CSMD1: variants seen among roughly 807,000 people sequenced by gnomAD.
CSMD1 encodes CUB and Sushi multiple domains 1, also known as CUB and sushi domain-containing protein 1.
In CSMD1, 213 loss-of-function variants were observed where a neutral mutation model predicts 417.5. The ratio of observed to expected loss-of-function variants is 0.51; its 90% confidence interval spans 0.46 to 0.57. CSMD1 has a LOEUF of 0.57. Ranked by LOEUF, CSMD1 falls within the 20% of genes least tolerant of loss-of-function variation. The probability of loss-of-function intolerance (pLI) is 0.00; values close to 1 mark genes in which losing one functional copy is unlikely to be tolerated. For missense variants in CSMD1, 6,923 were observed against 4,529.7 expected (o/e 1.53, Z -15.17); for synonymous variants, 2,862 against 1,736.8 (o/e 1.65, Z -16.11).
chr8:4,341,845 G>A lies in CSMD1; in HGVS notation c.415+78108C>T, dbSNP rs2128895600. Among the ~76,000 whole-genome samples the A allele has an allele frequency of 1.3e-5, 2 of 152,194 alleles. 1 individual carries two copies. The highest frequency in any genetic ancestry group is 6.8e-3 in the Middle Eastern group (2 of 294). On this transcript the variant is annotated intron_variant, in intron 3 of 69. Coordinates refer to ENST00000635120, the MANE Select transcript of CSMD1 (RefSeq NM_033225.6). ...CACATCTGCATAATAACAGAAGGATGCTTCACCCAGCAGCCACAGCTGATG... is the reference window on the plus strand; with the variant it reads ...CACATCTGCATAATAACAGAAGGATACTTCACCCAGCAGCCACAGCTGATG...
At chr8:3,229,414 A>C (rs73185504) in intron 27 of CSMD1, among the ~76,000 whole-genome samples, 5 of 152,332 alleles carry the variant, frequency 3.3e-5, no homozygotes, top group Non-Finnish European at 5.9e-5. Flanking sequence ...ACTATTTTAC[A>C]TAAAATATAT....
rs189253562 is a variant in CSMD1, at chr8:4,879,409, T to C, written c.85+114923A>G. Among the ~76,000 whole-genome samples the C allele has an allele frequency of 3.2e-3, 482 of 152,172 alleles. 8 individuals carry two copies. Among genetic ancestry groups the C allele is most frequent in the African/African-American group, 0.011 (450 of 41,464 alleles). On this transcript the variant is annotated intron_variant, in intron 1 of 69. Coordinates refer to ENST00000635120, the MANE Select transcript of CSMD1 (RefSeq NM_033225.6). ...AACTGGCTGAACTTAGTGCAATGAATTGATATGAAGAAGAATTAGGAGGAA... is the reference window on the plus strand; with the variant it reads ...AACTGGCTGAACTTAGTGCAATGAACTGATATGAAGAAGAATTAGGAGGAA...
intron 1 of CSMD1, among the ~76,000 whole-genome samples, chr8:4,795,705 C>G (rs1328143837): frequency 6.6e-6 from 1 of 152,088 alleles, no homozygotes; most frequent in Non-Finnish European, 1.5e-5. Context: ...ATCCGCAGAT[C>G]CAGGCGGAGA....
Position 3,732,970 on chromosome 8 carries a change from T to A in CSMD1, c.931+20960A>T, listed in dbSNP as rs144093124. 2.2e-3 allele frequency among the ~76,000 whole-genome samples: 337 copies of A among 152,224 alleles called. 2 individuals carry two copies. Among genetic ancestry groups the A allele is most frequent in the Admixed American group, 3.1e-3 (47 of 15,278 alleles). On this transcript the variant is annotated intron_variant, in intron 6 of 69. Transcript: ENST00000635120. ...ATCTATCTACTTACCTACCTACCTATCTACCAACCTACCTACCTACCTACC... is the reference window on the plus strand; with the variant it reads ...ATCTATCTACTTACCTACCTACCTAACTACCAACCTACCTACCTACCTACC...
chr8:4,282,520 T>C (rs530180035), intron 3 of CSMD1, among the ~76,000 whole-genome samples: 3 of 152,234 alleles, frequency 2.0e-5, no homozygotes, highest in Non-Finnish European at 2.9e-5. Context: ...GCTTTGCGTT[T>C]GTAAAGCAAC....
intron 5 of CSMD1, among the ~76,000 whole-genome samples, chr8:3,962,643 T>C (rs1428156045): frequency 6.6e-6 from 1 of 152,134 alleles, no homozygotes; most frequent in African/African-American, 2.4e-5. Flanking sequence ...AGCATGGACA[T>C]TCAATTGCAG....
At chr8:3,280,638 A>T (rs1332702179) in intron 26 of CSMD1, among the ~76,000 whole-genome samples, 1 of 152,192 alleles carries the variant, frequency 6.6e-6, no homozygotes, top group Admixed American at 6.5e-5. Context: ...ACCATGTGAA[A>T]TTGTCAACAT....
intron 3 of CSMD1, among the ~76,000 whole-genome samples, chr8:4,054,987 C>A (rs910926748): frequency 2.6e-5 from 4 of 152,160 alleles, no homozygotes; most frequent in Admixed American, 6.5e-5. Flanking sequence ...TAACAGCATA[C>A]AAAGAATGTC....
intron 7 of CSMD1, among the ~76,000 whole-genome samples, chr8:3,636,778 C>A (rs536020784): frequency 1.3e-5 from 2 of 152,266 alleles, no homozygotes; most frequent in African/African-American, 4.8e-5. Flanking sequence ...TCTCCTGACA[C>A]TTCCACACTT....
intron 3 of CSMD1, among the ~76,000 whole-genome samples, chr8:4,161,435 A>G (rs1797156081): frequency 6.6e-6 from 1 of 152,222 alleles, no homozygotes; most frequent in African/African-American, 2.4e-5. Context: ...TTTAGAAGAG[A>G]AAATTGAAAC....
At chr8:4,165,852 T>C (rs745323084) in intron 3 of CSMD1, among the ~76,000 whole-genome samples, 7 of 152,244 alleles carry the variant, frequency 4.6e-5, no homozygotes, top group African/African-American at 1.4e-4. Flanking sequence ...TTTTTTGCCA[T>C]TGAAAGTAAA....
At position 3,643,063 on chromosome 8, in the gene CSMD1, C is replaced by T. The variant is rs551930237; in HGVS notation, c.1010-26266G>A. 1.4e-4 allele frequency among the ~76,000 whole-genome samples: 22 copies of T among 151,954 alleles called. No individual in the cohort carries two copies. In the South Asian group the frequency reaches 4.0e-3, roughly 27 times the overall value. On this transcript the variant is annotated intron_variant, in intron 7 of 69. Transcript: ENST00000635120. Reference sequence around the variant, plus strand: ...GAAAAAATCCTGTGCATGTGAGTGTCGACGGCACGGGAGAGGGAGAGAGAC... The same window carrying T: ...GAAAAAATCCTGTGCATGTGAGTGTTGACGGCACGGGAGAGGGAGAGAGAC...
At chr8:4,058,638 A>T (rs1422873492) in intron 3 of CSMD1, among the ~76,000 whole-genome samples, 1 of 149,990 alleles carries the variant, frequency 6.7e-6, no homozygotes, top group Non-Finnish European at 1.5e-5. Context: ...CAGGGGTTGC[A>T]ATCCTAGTCT....
intron 1 of CSMD1, among the ~76,000 whole-genome samples, chr8:4,858,821 G>T (rs968391049): frequency 4.1e-5 from 6 of 145,660 alleles, no homozygotes; most frequent in African/African-American, 1.5e-4. Flanking sequence ...AATCAATATC[G>T]TGAAAATGGC....
intron 3 of CSMD1, among the ~76,000 whole-genome samples, chr8:4,384,993 C>G (rs1803353224): frequency 6.6e-6 from 1 of 152,160 alleles, no homozygotes; most frequent in African/African-American, 2.4e-5. Context: ...CAATCTCGAT[C>G]TCGGCTCAAT....
chr8:4,222,494 A>T (rs184069496), intron 3 of CSMD1, among the ~76,000 whole-genome samples: 2 of 152,208 alleles, frequency 1.3e-5, no homozygotes, highest in Admixed American at 1.3e-4. Context: ...AGTCAATAAT[A>T]TAGTTGTTAA....
At chr8:2,989,771 AAGCCCACTCTTTTG>A (rs1806218199) in intron 54 of CSMD1, among the ~76,000 whole-genome samples, 1 of 152,208 alleles carries the variant, frequency 6.6e-6, no homozygotes, top group Non-Finnish European at 1.5e-5. Context: ...TCATACTTAA[AAGCCCACTCTTTTG>A]AGTTCAGTTA....
intron 3 of CSMD1, among the ~76,000 whole-genome samples, chr8:4,236,994 C>G (rs555259013): frequency 6.6e-6 from 1 of 152,312 alleles, no homozygotes; most frequent in South Asian, 2.1e-4. Flanking sequence ...TTCTCACACA[C>G]ACAAGATCTT....
At chr8:3,062,204 GA>G (rs541840128) in intron 49 of CSMD1, among the ~76,000 whole-genome samples, 8 of 151,526 alleles carry the variant, frequency 5.3e-5, no homozygotes, top group African/African-American at 1.9e-4. Flanking sequence ...TATTTTCTTG[GA>G]ATAATTAGGC....
Sources: gnomAD v4.1 joint callset for allele counts (sites outside exome capture counted in the v4.1 genomes callset) on GRCh38, gnomAD v4.1.1 for gene constraint, MANE v1.5 for transcripts, NCBI Gene and HGNC (gene_info 2026-07-23, HGNC 2026-07-21) for gene names.